The following SPMIP2 variants were observed in gnomAD, a reference collection of about 807,000 sequenced individuals.
SPMIP2 encodes protein SPMIP2.
At chr4:158,985,502 C>A in the SPMIP2 span, among the ~76,000 whole-genome samples, 1 of 151,966 alleles carries the variant, frequency 6.6e-6, no homozygotes, top group Admixed American at 6.6e-5. Context: ...TCAGTGTAAT[C>A]CAGCATATAA....
At chr4:159,079,455 A>C in the SPMIP2 span, among the ~76,000 whole-genome samples, 1 of 152,218 alleles carries the variant, frequency 6.6e-6, no homozygotes, top group Non-Finnish European at 1.5e-5. Flanking sequence ...AGCTTCCAGA[A>C]CTGCGAGAAA....
the SPMIP2 span, among the ~76,000 whole-genome samples, chr4:159,043,213 C>A: frequency 6.6e-6 from 1 of 152,208 alleles, no homozygotes; most frequent in Non-Finnish European, 1.5e-5. Flanking sequence ...TTTGAAAACA[C>A]TGGATACAGT....
chr4:159,039,318 T>C, the SPMIP2 span, among the ~76,000 whole-genome samples: 1 of 152,134 alleles, frequency 6.6e-6, no homozygotes, highest in East Asian at 1.9e-4. Flanking sequence ...GAGAATGGGC[T>C]TAAGAAAAGC....
the SPMIP2 span, among the ~76,000 whole-genome samples, chr4:158,923,160 G>A: frequency 6.6e-6 from 1 of 152,188 alleles, no homozygotes; most frequent in South Asian, 2.1e-4. Flanking sequence ...CTTGATTACT[G>A]TAGCTTTATA....
chr4:159,019,259 C>T, the SPMIP2 span, among the ~76,000 whole-genome samples: 2 of 116,020 alleles, frequency 1.7e-5, no homozygotes, highest in African/African-American at 6.6e-5. Flanking sequence ...TGCTGGAGAA[C>T]AAGCAAGAGC....
the SPMIP2 span, among the ~76,000 whole-genome samples, chr4:159,003,491 C>G: frequency 6.6e-6 from 1 of 152,126 alleles, no homozygotes; most frequent in Non-Finnish European, 1.5e-5. Context: ...TACTATGTAC[C>G]TTCTAACCAC....
the SPMIP2 span, chr4:158,906,980 C>T: frequency 6.6e-6 from 1 of 152,146 alleles, no homozygotes; most frequent in Non-Finnish European, 1.5e-5. Flanking sequence ...AGAAATCTAC[C>T]TCAGTTGACA....
At chr4:158,901,324 T>C in the SPMIP2 span, among the ~76,000 whole-genome samples, 7 of 151,994 alleles carry the variant, frequency 4.6e-5, no homozygotes, top group African/African-American at 1.5e-4. Context: ...TGGCCCCCAC[T>C]CTCTTCTGGC....
chr4:158,922,259 G>C, the SPMIP2 span, among the ~76,000 whole-genome samples: 1 of 152,164 alleles, frequency 6.6e-6, no homozygotes, highest in South Asian at 2.1e-4. Context: ...ACCCCCCTCT[G>C]CCTTGTGTAT....
chr4:159,035,586 T>C, the SPMIP2 span, among the ~76,000 whole-genome samples: 1 of 152,208 alleles, frequency 6.6e-6, no homozygotes, highest in African/African-American at 2.4e-5. Flanking sequence ...AATAAATTAA[T>C]GAGATAATTA....
chr4:158,939,672 CTCT>C, the SPMIP2 span, among the ~76,000 whole-genome samples: 1 of 152,022 alleles, frequency 6.6e-6, no homozygotes, highest in Non-Finnish European at 1.5e-5. Flanking sequence ...CCCTCTTCTC[CTCT>C]TATTTGTTGA....
the SPMIP2 span, among the ~76,000 whole-genome samples, chr4:159,018,115 C>A: frequency 6.6e-6 from 1 of 152,172 alleles, no homozygotes; most frequent in Non-Finnish European, 1.5e-5. Flanking sequence ...TGCCTTTCAA[C>A]ATGGGGCTAA....
the SPMIP2 span, chr4:158,905,928 C>A: frequency 1.3e-5 from 2 of 152,154 alleles, no homozygotes; most frequent in African/African-American, 4.8e-5. Context: ...AATTCCAGTT[C>A]TTTTCATGTA....
At chr4:159,077,148 CT>C in the SPMIP2 span, among the ~76,000 whole-genome samples, 4 of 148,986 alleles carry the variant, frequency 2.7e-5, no homozygotes, top group Non-Finnish European at 3.0e-5. Context: ...AACAGATTTT[CT>C]TTTTTTTTGA....
the SPMIP2 span, among the ~76,000 whole-genome samples, chr4:158,983,174 T>C: frequency 1.3e-5 from 2 of 152,020 alleles, no homozygotes; most frequent in Admixed American, 6.6e-5. Flanking sequence ...AAAGACCAAA[T>C]CTATGTCTGA....
At chr4:158,983,492 C>G in the SPMIP2 span, among the ~76,000 whole-genome samples, 182 of 151,732 alleles carry the variant, frequency 1.2e-3, no homozygotes, top group African/African-American at 3.8e-3. Context: ...CCAGAAGAGA[C>G]TGGGGGCCAA....
At chr4:158,927,859 G>T in the SPMIP2 span, among the ~76,000 whole-genome samples, 2 of 152,192 alleles carry the variant, frequency 1.3e-5, no homozygotes, top group African/African-American at 4.8e-5. Context: ...AGCAGCTACG[G>T]CGGGTGTACT....
At chr4:158,904,865 T>TG in the SPMIP2 span, 80 of 269,742 alleles carry the variant, frequency 3.0e-4, 1 homozygote, top group South Asian at 4.7e-3. Context: ...TTGTGCTGTT[T>TG]GGGCAGAATA....
chr4:159,055,876 G>A, the SPMIP2 span, among the ~76,000 whole-genome samples: 97 of 152,262 alleles, frequency 6.4e-4, no homozygotes, highest in African/African-American at 1.9e-3. Flanking sequence ...AGGAGTGTGC[G>A]TTTTTAAAGC....
Sources: gnomAD v4.1 joint callset for allele counts (sites outside exome capture counted in the v4.1 genomes callset) on GRCh38, gnomAD v4.1.1 for gene constraint, MANE v1.5 for transcripts, NCBI Gene and HGNC (gene_info 2026-07-23, HGNC 2026-07-21) for gene names.